The following RRBP1 variants were observed in gnomAD, a reference collection of about 807,000 sequenced individuals.
The protein encoded by RRBP1 is ribosome binding protein 1, also known as ribosome-binding protein 1.
In RRBP1, 94 loss-of-function variants were observed where a neutral mutation model predicts 165.2. That is an observed-to-expected ratio of 0.57 (90% CI 0.48 to 0.68). The LOEUF is 0.68. Among genes scored for constraint, RRBP1 ranks in the 30% least tolerant of loss-of-function variants. The pLI is 0.00. For missense variants in RRBP1, 1,676 were observed against 1,763.0 expected, an observed-to-expected ratio of 0.95 and a Z score of 0.88; for synonymous variants, 680 against 714.5, an observed-to-expected ratio of 0.95 and a Z score of 0.77.
At position 17,660,073 on chromosome 20, in the gene RRBP1, T is replaced by C. The variant is rs1034604483; in HGVS notation, c.435A>G (p.Lys145=). The C allele has an allele frequency of 2.5e-6, 4 of 1,614,012 alleles. No homozygotes were observed. The South Asian group carries it at 4.4e-5, about 18-fold the overall frequency. Reference sequence around the variant, plus strand: ...TGACAGCTGGTTCCACTTTTGCCACTTTTTTCTCCTTCTTCTTTTTGTCCT... The same window carrying C: ...TGACAGCTGGTTCCACTTTTGCCACCTTTTTCTCCTTCTTCTTTTTGTCCT... The part of the protein sequence containing the change: ...SPKDKKKKEK[K]VAKVEPAVSS... Residue 145 remains lysine (K), a synonymous_variant, in exon 3 of 25, where the codon AAA becomes AAG. Transcript: ENST00000377813.
chr20:17,640,491 G>A (rs2036333065), intron 5 of RRBP1, among the ~76,000 whole-genome samples: 1 of 152,158 alleles, frequency 6.6e-6, no homozygotes, highest in African/African-American at 2.4e-5. Flanking sequence ...AAGATTAGGG[G>A]CCCCTGGCAG....
At position 17,638,781 on chromosome 20, in the gene RRBP1, T is replaced by A. The variant is rs184254495; in HGVS notation, c.2185-2052A>T. Among the ~76,000 whole-genome samples, 10 of 152,138 alleles carry A rather than the reference T, an allele frequency of 6.6e-5. No individual in the cohort carries two copies. The East Asian group carries it at 1.9e-3, about 29-fold the overall frequency. ...ACCATCACTAGCATTGGCTCAGAAG[T>A]GACTCTCTGTCCCTACTTCTTCCAG... On this transcript the variant is annotated intron_variant, in intron 5 of 24. Transcript: ENST00000377813.
At chr20:17,623,615 T>C (rs7261614) in intron 13 of RRBP1, among the ~76,000 whole-genome samples, 97,558 of 152,072 alleles carry the variant, frequency 0.64, 33,571 homozygotes, top group Middle Eastern at 0.8. Context: ...CTGCAAACAA[T>C]GTCCTCCCCT....
intron 5 of RRBP1, among the ~76,000 whole-genome samples, chr20:17,640,136 G>C (rs2036325124): frequency 6.6e-6 from 1 of 152,206 alleles, no homozygotes; most frequent in South Asian, 2.1e-4. Context: ...AGCCTGGTGA[G>C]ACCACCAGAG....
At position 17,620,224 on chromosome 20, in the gene RRBP1, G is replaced by A. The variant is rs1048256539; in HGVS notation, c.3579+75C>T. 36 of 1,051,810 alleles carry A rather than the reference G, an allele frequency of 3.4e-5. No individual in the cohort carries two copies. The Middle Eastern group carries it at 1.7e-3, about 48-fold the overall frequency. The allele number at this position is 1,051,810 out of a possible 1,614,324, so 65.2% of individuals were successfully genotyped here. A position where few individuals can be genotyped will look rare whatever the true frequency, so the allele number is the denominator to read the frequency against. On this transcript the variant is annotated intron_variant, in intron 18 of 24. Coordinates refer to ENST00000377813, the MANE Select transcript of RRBP1 (RefSeq NM_001365613.2). The stretch of plus-strand genomic sequence containing the variant: ...GGTCCATGAGGAAGAAATCAGTGAA[G>A]TGTCCTCTGCATTAACGTCACTTTC...
At chr20:17,657,313 G>T (rs983817115) in intron 3 of RRBP1, among the ~76,000 whole-genome samples, 1 of 152,232 alleles carries the variant, frequency 6.6e-6, no homozygotes, top group African/African-American at 2.4e-5. Context: ...GCTCACAGGG[G>T]ACAGGGCCTC....
At chr20:17,652,123 C>T (rs1339858281) in intron 3 of RRBP1, among the ~76,000 whole-genome samples, 1 of 152,228 alleles carries the variant, frequency 6.6e-6, no homozygotes, top group Admixed American at 6.5e-5. Flanking sequence ...CTGTGCAACA[C>T]CAACACAGGT....
rs1381529721 is a variant in RRBP1 at position 17,658,655 on chromosome 20, G to A, written c.1853C>T (p.Ala618Val). 1.9e-6 allele frequency: 3 copies of A among 1,613,268 alleles called. No homozygotes were observed. Among genetic ancestry groups the A allele is most frequent in the African/African-American group, 1.3e-5 (1 of 74,828 alleles). Residue 618 changes from alanine (A) to valine (V), a missense_variant, in exon 3 of 25, where the codon GCA (alanine) becomes GTA (valine). By Grantham distance (64) the Ala-to-Val change is moderately conservative. Around this residue, in one of 5 missense-constraint regions of RRBP1, gnomAD observed 1,184 missense variants for 1,167.1 expected, o/e 1.01. Transcript: ENST00000377813. ...CTTGGCAGGAGCCTCTTGCTTTGGT[G>A]CCTCTGGGCTCTGGGCCACATCTGT... ...RNTDVAQSPE[A>V]PKQEAPAKKK...
chr20:17,625,603 C>G lies in RRBP1; in HGVS notation c.2964-1G>C. The G allele has an allele frequency of 6.2e-7, 1 of 1,613,706 alleles. No homozygotes were observed. The highest frequency in any genetic ancestry group is 1.1e-5 in the South Asian group (1 of 91,080). On this transcript the variant is annotated splice_acceptor_variant, in intron 11 of 24. Transcript: ENST00000377813. LOFTEE classifies it high-confidence loss of function. ...CACCTGGGACTCCAGCTCCTTGAGG[C>G]TGAAGGGACACAACGAGGTCACCGC...
Position 17,627,560 on chromosome 20 carries a change from G to A in RRBP1, c.2872C>T (p.Arg958Cys), listed in dbSNP as rs41276394. Residue 958 changes from arginine to cysteine, a missense_variant, in exon 10 of 25, where the codon CGT (arginine) becomes TGT (cysteine). Coordinates refer to ENST00000377813, the MANE Select transcript of RRBP1 (RefSeq NM_001365613.2). ...AENSQLTERI[R>C]SIEALLEAGQ... is the part of the protein sequence containing the mutation. ...GCCTCCAGCAGGGCCTCAATGGAAC[G>A]GATTCTCTCTGTGAGCTGGGAGTTC... The A allele has an allele frequency of 7.4e-6, 12 of 1,613,358 alleles. 1 individual carries two copies. In the Middle Eastern group the frequency reaches 9.9e-4, roughly 133 times the overall value.
At chr20:17,681,552 C>CA (rs1294995422) in intron 1 of RRBP1, among the ~76,000 whole-genome samples, 1 of 149,456 alleles carries the variant, frequency 6.7e-6, no homozygotes, top group Non-Finnish European at 1.5e-5. Context: ...CCGCCCGCAC[C>CA]CCACCCCTCC....
intron 8 of RRBP1, among the ~76,000 whole-genome samples, chr20:17,630,636 G>A (rs1336759245): frequency 1.3e-5 from 2 of 152,142 alleles, no homozygotes; most frequent in South Asian, 2.1e-4. Context: ...AGTCCCAGTC[G>A]GTGCTCCACA....
intron 3 of RRBP1, among the ~76,000 whole-genome samples, chr20:17,651,230 G>A (rs1417164569): frequency 6.6e-6 from 1 of 152,202 alleles, no homozygotes; most frequent in Non-Finnish European, 1.5e-5. Context: ...ATCATTCCCA[G>A]AGTAGCACAG....
At chr20:17,676,573 C>T (rs1290193582) in intron 2 of RRBP1, among the ~76,000 whole-genome samples, 1 of 152,158 alleles carries the variant, frequency 6.6e-6, no homozygotes, top group Non-Finnish European at 1.5e-5. Flanking sequence ...CCCCCAGCAC[C>T]CTGAGGGACT....
intron 2 of RRBP1, among the ~76,000 whole-genome samples, chr20:17,671,650 C>T (rs897782208): frequency 3.1e-4 from 47 of 152,168 alleles, no homozygotes; most frequent in African/African-American, 1.0e-3. Flanking sequence ...CTTGTGGTTC[C>T]AACTCAGGGA....
In RRBP1 at chr20:17,621,725, G is replaced by A; in HGVS notation, c.3289C>T (p.Leu1097=). 5.0e-6 allele frequency: 8 copies of A among 1,613,732 alleles called. No homozygotes were observed. Among genetic ancestry groups the A allele is most frequent in the Non-Finnish European group, 6.8e-6 (8 of 1,180,004 alleles). The change falls in exon 15 of 25, where the codon CTG becomes TTG. Residue 1097 remains leucine, a synonymous_variant. Transcript: ENST00000377813. ...TCCGCGGGAGCTGGCGGGTGCTTCA[G>A]CAGCGTGGGGCCTTTCTCTTTGAGA... is the stretch of plus-strand genomic sequence containing the variant. ...QDLKEKGPTL[L]KHPPAPAEPS...
rs755451114 is a variant in RRBP1 at position 17,642,989 on chromosome 20, G to A, written c.2051C>T (p.Thr684Ile). 1.5e-4 allele frequency: 240 copies of A among 1,613,716 alleles called. No homozygotes were observed. The highest frequency in any genetic ancestry group is 2.0e-4 in the Non-Finnish European group (236 of 1,179,870). The change falls in exon 4 of 25, where the codon ACC becomes ATC. Residue 684 changes from threonine (T) to isoleucine (I), a missense_variant. By Grantham distance (89) the Thr-to-Ile change is moderately conservative. This residue lies in a region of RRBP1 where 1,184 missense variants were observed against 1,167.1 expected (regional missense o/e 1.01). Coordinates refer to ENST00000377813, the MANE Select transcript of RRBP1 (RefSeq NM_001365613.2). ...LSEKAGIIQD[T>I]WHKATQKGDP... ...GGAGGGTGGGCCCACCTTGTGCCAG[G>A]TGTCCTGAATGATGCCAGCCTTCTC...
rs572649164 is a variant in RRBP1 at position 17,620,809 on chromosome 20, T to TG, written c.3415-3dup. On this transcript the variant is annotated splice_region_variant and splice_polypyrimidine_tract_variant and intron_variant, in intron 16 of 24. Transcript: ENST00000377813. Reference sequence around the variant, plus strand: ...CTGCAGGTCTCTGAGCATGCCCTCCTGGGGGGAAACCGAGGTGAGGCAGGG... The same window carrying TG: ...CTGCAGGTCTCTGAGCATGCCCTCCTGGGGGGGAAACCGAGGTGAGGCAGGG... 3,664 of 1,601,054 alleles carry TG rather than the reference T, an allele frequency of 2.3e-3. 5 individuals carry two copies. The highest frequency in any genetic ancestry group is 2.8e-3 in the Admixed American group (169 of 59,830).
intron 3 of RRBP1, among the ~76,000 whole-genome samples, chr20:17,647,959 G>C (rs548559175): frequency 2.0e-5 from 3 of 152,312 alleles, no homozygotes; most frequent in African/African-American, 7.2e-5. Flanking sequence ...CAGGTCTGCT[G>C]TAAGAAGGTG....
Sources: gnomAD v4.1 joint callset for allele counts (sites outside exome capture counted in the v4.1 genomes callset) on GRCh38, gnomAD v4.1.1 for gene constraint, gnomAD v4.1.1 regional missense constraint, MANE v1.5 for transcripts, NCBI Gene and HGNC (gene_info 2026-07-23, HGNC 2026-07-21) for gene names.